The following XKR4 variants were observed in gnomAD, a reference collection of about 807,000 sequenced individuals.
The protein encoded by XKR4 is XK related 4.
XKR4 carries 12 observed loss-of-function variants against 53.9 expected under a neutral mutation model. That is an observed-to-expected ratio of 0.22 (90% CI 0.14 to 0.36). The LOEUF (loss-of-function observed/expected upper bound fraction) is 0.36. Among genes scored for constraint, XKR4 ranks in the 10% least tolerant of loss-of-function variants. The pLI, the probability that XKR4 is intolerant of heterozygous loss-of-function variation, is 1.00. For missense variants in XKR4, 799 were observed against 859.5 expected (o/e 0.93, Z 0.88); for synonymous variants, 354 against 362.4 (o/e 0.98, Z 0.26).
chr8:55,142,178 CTT>C, intron 1 of XKR4: 1 of 456,112 alleles, frequency 2.2e-6, no homozygotes, highest in South Asian at 1.5e-5. Flanking sequence ...CTCCTGAGCG[CTT>C]TGTCTTCTCC....
At chr8:55,331,175 A>G (rs551665836) in intron 1 of XKR4, among the ~76,000 whole-genome samples, 1 of 152,180 alleles carries the variant, frequency 6.6e-6, no homozygotes, top group Non-Finnish European at 1.5e-5. Context: ...GCCTGAAGAT[A>G]CTTTCTAATT....
chr8:55,303,075 C>A (rs1048668034), intron 1 of XKR4, among the ~76,000 whole-genome samples: 3 of 151,998 alleles, frequency 2.0e-5, no homozygotes, highest in African/African-American at 4.8e-5. Context: ...GTCTTGTGCC[C>A]GTTTTCAAAG....
intron 1 of XKR4, among the ~76,000 whole-genome samples, chr8:55,108,605 A>AGT (rs1327638527): frequency 6.6e-6 from 1 of 152,186 alleles, no homozygotes; most frequent in Non-Finnish European, 1.5e-5. Flanking sequence ...TTTATATTAA[A>AGT]ATAATATTAA....
In XKR4 at chr8:55,537,619, G is replaced by A. The variant is rs964567198; in HGVS notation, c.*13392G>A. ...AATGTTTTGAAGATTTGTAGGTAGG[G>A]TTTTGATTGTGTCACATTCTACACT... On this transcript the variant is annotated 3_prime_UTR_variant, in exon 3 of 3. Transcript: ENST00000327381. 2 of 152,174 alleles carry A rather than the reference G, an allele frequency of 1.3e-5. No homozygotes were observed. Among genetic ancestry groups the A allele is most frequent in the Admixed American group, 6.5e-5 (1 of 15,286 alleles). The allele number at this position is 152,174 out of a possible 1,614,324, so 9.4% of individuals were successfully genotyped here. A position where few individuals can be genotyped will look rare whatever the true frequency, so the allele number is the denominator to read the frequency against.
intron 2 of XKR4, among the ~76,000 whole-genome samples, chr8:55,429,155 G>A (rs1415122636): frequency 6.6e-6 from 1 of 152,160 alleles, no homozygotes; most frequent in African/African-American, 2.4e-5. Flanking sequence ...AAGATGTGAT[G>A]GCAATTTAAT....
intron 2 of XKR4, among the ~76,000 whole-genome samples, chr8:55,499,223 A>G (rs1806401084): frequency 1.3e-5 from 2 of 152,220 alleles, no homozygotes; most frequent in African/African-American, 4.8e-5. Context: ...ATGCTAAGAT[A>G]ATGTATGGGG....
intron 1 of XKR4, among the ~76,000 whole-genome samples, chr8:55,297,526 A>C (rs1819118089): frequency 6.6e-6 from 1 of 152,168 alleles, no homozygotes; most frequent in African/African-American, 2.4e-5. Context: ...GGTGGCATAT[A>C]ATCTGGCCAT....
intron 1 of XKR4, among the ~76,000 whole-genome samples, chr8:55,138,552 T>A (rs1284633888): frequency 6.6e-6 from 1 of 152,216 alleles, no homozygotes; most frequent in Admixed American, 6.5e-5. Context: ...ACTTAAATAT[T>A]TCTAAAGCAT....
At chr8:55,233,418 G>C (rs1474510471) in intron 1 of XKR4, among the ~76,000 whole-genome samples, 1 of 150,568 alleles carries the variant, frequency 6.6e-6, no homozygotes, top group Non-Finnish European at 1.5e-5. Context: ...TCAAAGTTAT[G>C]GTCAGGCCAG....
intron 1 of XKR4, among the ~76,000 whole-genome samples, chr8:55,207,898 C>T (rs868050587): frequency 6.6e-6 from 1 of 152,166 alleles, no homozygotes; most frequent in Non-Finnish European, 1.5e-5. Flanking sequence ...TCTTCCTCAA[C>T]TCCCCTTGTT....
rs369003607 is a variant in XKR4, at chr8:55,188,531, C to T, written c.806+85237C>T. 3.9e-5 allele frequency among the ~76,000 whole-genome samples: 6 copies of T among 152,306 alleles called. No individual in the cohort carries two copies. In the South Asian group the frequency reaches 8.3e-4, roughly 21 times the overall value. ...GACAGTCGTTCAACAGCTCCTGTCT[C>T]GTGCATCCTCTTAAGTTTAAAGACA... is the stretch of plus-strand genomic sequence containing the variant. On this transcript the variant is annotated intron_variant, in intron 1 of 2. Transcript: ENST00000327381.
chr8:55,279,365 T>C (rs1020954098), intron 1 of XKR4, among the ~76,000 whole-genome samples: 3 of 152,196 alleles, frequency 2.0e-5, no homozygotes, highest in African/African-American at 7.2e-5. Context: ...TATCTGTAAA[T>C]TCCCAAATGA....
chr8:55,213,856 CTTTTTTTTTTT>C (rs11433893), intron 1 of XKR4, among the ~76,000 whole-genome samples: 5 of 82,350 alleles, frequency 6.1e-5, no homozygotes, highest in African/African-American at 1.5e-4. Context: ...TTCTTTCTTT[CTTTTTTTTTTT>C]TTTTTTTTTT....
chr8:55,383,188 G>A (rs1042778544), intron 2 of XKR4, among the ~76,000 whole-genome samples: 1 of 152,190 alleles, frequency 6.6e-6, no homozygotes, highest in African/African-American at 2.4e-5. Flanking sequence ...ACTCCAGCCT[G>A]GATGACAGAG....
intron 2 of XKR4, among the ~76,000 whole-genome samples, chr8:55,481,905 G>A (rs1332480077): frequency 6.6e-6 from 1 of 152,218 alleles, no homozygotes; most frequent in Non-Finnish European, 1.5e-5. Flanking sequence ...AACAGGTCCT[G>A]TAAAGGATGT....
At chr8:55,401,918 A>T (rs1804607162) in intron 2 of XKR4, among the ~76,000 whole-genome samples, 1 of 152,242 alleles carries the variant, frequency 6.6e-6, no homozygotes, top group African/African-American at 2.4e-5. Context: ...AGCAGTAATA[A>T]ATTAGCATTA....
chr8:55,333,618 T>G (rs1454344202), intron 1 of XKR4, among the ~76,000 whole-genome samples: 1 of 152,154 alleles, frequency 6.6e-6, no homozygotes. Flanking sequence ...GTAGTCCCCT[T>G]GCGATTTTCT....
At chr8:55,286,689 G>T (rs1818911999) in intron 1 of XKR4, among the ~76,000 whole-genome samples, 1 of 152,224 alleles carries the variant, frequency 6.6e-6, no homozygotes, top group South Asian at 2.1e-4. Context: ...GCCAAAAGCT[G>T]CTGACAGCAG....
chr8:55,117,197 AGAT>A (rs1293042768), intron 1 of XKR4, among the ~76,000 whole-genome samples: 26 of 152,210 alleles, frequency 1.7e-4, no homozygotes, highest in Non-Finnish European at 7.3e-5. Flanking sequence ...TTGCTGAGCT[AGAT>A]GATGTCAGAT....
Sources: allele counts gnomAD v4.1 joint callset (sites outside exome capture counted in the v4.1 genomes callset), GRCh38; gene constraint gnomAD v4.1.1; transcripts MANE v1.5; gene names NCBI Gene and HGNC (gene_info 2026-07-23, HGNC 2026-07-21).